The following CFAP54 variants were observed in gnomAD, a reference collection of about 807,000 sequenced individuals.
CFAP54 encodes cilia and flagella associated protein 54.
In CFAP54, 290 loss-of-function variants were observed where a neutral mutation model predicts 370.4. The ratio of observed to expected loss-of-function variants is 0.78; its 90% confidence interval spans 0.71 to 0.86. CFAP54 has a LOEUF of 0.86. Ranked by LOEUF, CFAP54 falls within the 40% of genes least tolerant of loss-of-function variation. The pLI, the probability that CFAP54 is intolerant of heterozygous loss-of-function variation, is 0.00. For missense variants in CFAP54, 3,399 were observed against 3,528.7 expected, an observed-to-expected ratio of 0.96 and a Z score of 0.93; for synonymous variants, 1,206 against 1,236.5, an observed-to-expected ratio of 0.98 and a Z score of 0.52.
chr12:96,829,248 G>T (rs1468305601), intron 66 of CFAP54, among the ~76,000 whole-genome samples, 160 bp downstream of exon 66: 1 of 151,834 alleles, frequency 6.6e-6, no homozygotes, highest in Non-Finnish European at 1.5e-5. Flanking sequence ...ACATTATTTT[G>T]GTTAAAAAAA....
Position 96,699,985 on chromosome 12 carries a change from A to G in CFAP54, c.6366A>G (p.Ile2122Met), listed in dbSNP as rs763230754. The change falls in exon 46 of 68, where the codon ATA becomes ATG. Residue 2122 changes from isoleucine (I) to methionine (M), a missense_variant. This residue lies in a region of CFAP54 where 2,796 missense variants were observed against 2,869.7 expected (regional missense o/e 0.97). Transcript: ENST00000524981. ...TTCCTTTACAGATAGAAGTCCTTAT[A>G]GATTTGAGATTCTTTTCTGAAGCCT... Reference protein sequence around the residue: ...EARILKIEVLIDLRFFSEAFY... With the variant: ...EARILKIEVLMDLRFFSEAFY... The G allele has an allele frequency of 1.3e-6, 2 of 1,577,044 alleles. No individual in the cohort carries two copies. Among genetic ancestry groups the G allele is most frequent in the Non-Finnish European group, 8.7e-7 (1 of 1,153,118 alleles).
intron 48 of CFAP54, among the ~76,000 whole-genome samples, chr12:96,714,080 T>C (rs1396021115): frequency 1.3e-5 from 2 of 152,208 alleles, no homozygotes; most frequent in African/African-American, 4.8e-5. Flanking sequence ...GGTTAGGCTA[T>C]GGGGTTAGGG....
chr12:96,621,890 T>TTTTTTG, intron 27 of CFAP54, among the ~76,000 whole-genome samples, 169 bp downstream of exon 27: 1 of 133,144 alleles, frequency 7.5e-6, no homozygotes, highest in East Asian at 2.2e-4. Flanking sequence ...TTTTTTTTTT[T>TTTTTTG]TTTTTTTTTT....
chr12:96,802,791 A>C (rs1447954845), intron 63 of CFAP54, among the ~76,000 whole-genome samples: 1 of 151,994 alleles, frequency 6.6e-6, no homozygotes, highest in African/African-American at 2.4e-5. Flanking sequence ...TAAGACCCAC[A>C]TGCATTAGGT....
chr12:96,872,660 T>A lies in CFAP54; in HGVS notation c.*15-2458T>A, dbSNP rs1201079521. ...TTTTATTTTTTAACATCTAGTACAG[T>A]AATTCCCTTTAAGGACAGAGGTGCC... On this transcript the variant is annotated intron_variant, in intron 67 of 67. Coordinates refer to ENST00000524981, the MANE Select transcript of CFAP54 (RefSeq NM_001306084.2). Among the ~76,000 whole-genome samples, 3 of 152,246 alleles carry A rather than the reference T, an allele frequency of 2.0e-5. 1 individual carries two copies. Among genetic ancestry groups the A allele is most frequent in the Admixed American group, 2.0e-4 (3 of 15,290 alleles).
In CFAP54 at chr12:96,743,586, A is replaced by G. The variant is rs1043863810; in HGVS notation, c.7377+27A>G. On this transcript the variant is annotated intron_variant, in intron 53 of 67. Transcript: ENST00000524981. The stretch of plus-strand genomic sequence containing the variant: ...TAGAAAGGAAACTTTGTTCGTATTT[A>G]TAGTCAGGGAGGGATTCCAGTTAGA... 8.1e-6 allele frequency: 13 copies of G among 1,613,388 alleles called. No homozygotes were observed. The African/African-American group carries it at 1.5e-4, about 18-fold the overall frequency.
intron 39 of CFAP54, among the ~76,000 whole-genome samples, chr12:96,671,949 A>G (rs1565937198): frequency 6.6e-6 from 1 of 151,660 alleles, no homozygotes; most frequent in African/African-American, 2.4e-5. Context: ...AGAGAGAGAG[A>G]AGGAAAGAGA....
chr12:96,565,678 G>A (rs1245646370), intron 19 of CFAP54, among the ~76,000 whole-genome samples: 1 of 152,170 alleles, frequency 6.6e-6, no homozygotes, highest in Non-Finnish European at 1.5e-5. Flanking sequence ...GATTTTGAAA[G>A]CACAGATAAA....
chr12:96,554,887 T>A, intron 17 of CFAP54, 85 bp downstream of exon 17: 1 of 1,265,704 alleles, frequency 7.9e-7, no homozygotes, highest in East Asian at 2.9e-5. Context: ...GAAAACTGTG[T>A]TCTTGTTGAC....
intron 55 of CFAP54, among the ~76,000 whole-genome samples, chr12:96,750,947 G>T (rs1958175862): frequency 1.3e-5 from 2 of 152,140 alleles, no homozygotes; most frequent in Admixed American, 1.3e-4. Flanking sequence ...CATAAAATCA[G>T]CTGTGACTTG....
chr12:96,859,138 A>C (rs9888322), intron 66 of CFAP54, among the ~76,000 whole-genome samples: 14,251 of 152,012 alleles, frequency 0.094, 1,915 homozygotes, highest in African/African-American at 0.3. Flanking sequence ...CAGAGGTGAC[A>C]AAAAAAAGCA....
chr12:96,733,548 T>G (rs1358882479), intron 50 of CFAP54, among the ~76,000 whole-genome samples: 1 of 151,504 alleles, frequency 6.6e-6, no homozygotes, highest in Non-Finnish European at 1.5e-5. Flanking sequence ...GTGGGTTTTT[T>G]TTTTTTTTTT....
In CFAP54 at chr12:96,648,580, CTTTTTTTTTTTT is replaced by C. The variant is rs11303164; in HGVS notation, c.4690+579_4690+590del. On this transcript the variant is annotated intron_variant, in intron 34 of 67. Transcript: ENST00000524981. ...TAGAGACATGCAGGTAAACAGGGTT[CTTTTTTTTTTTT>C]TTTTTTTTTTTTTTTGGAGACGGAG... is the stretch of plus-strand genomic sequence containing the variant. Among the ~76,000 whole-genome samples the C allele has an allele frequency of 3.1e-3, 184 of 58,690 alleles. 1 individual carries two copies. Among genetic ancestry groups the C allele is most frequent in the African/African-American group, 0.011 (163 of 14,636 alleles). The allele number at this position is 58,690 out of a possible 152,430, so 38.5% of individuals were successfully genotyped here. A position where few individuals can be genotyped will look rare whatever the true frequency, so the allele number is the denominator to read the frequency against.
At chr12:96,493,920 T>G (rs1954917488) in intron 1 of CFAP54, among the ~76,000 whole-genome samples, 1 of 152,026 alleles carries the variant, frequency 6.6e-6, no homozygotes, top group Non-Finnish European at 1.5e-5. Context: ...GAGTGGAAGA[T>G]AGGAAGTTGC....
At chr12:96,611,404 G>T in intron 26 of CFAP54, among the ~76,000 whole-genome samples, 1 of 152,184 alleles carries the variant, frequency 6.6e-6, no homozygotes, top group East Asian at 1.9e-4. Context: ...CATCATCAAA[G>T]ACCAAAGTTA....
intron 32 of CFAP54, among the ~76,000 whole-genome samples, chr12:96,639,459 T>C (rs1473241170): frequency 6.6e-6 from 1 of 152,056 alleles, no homozygotes; most frequent in East Asian, 1.9e-4. Context: ...CCAAAAAAAG[T>C]CCAGGACCAG....
intron 32 of CFAP54, among the ~76,000 whole-genome samples, chr12:96,631,123 A>AT (rs1208132500): frequency 6.6e-6 from 1 of 151,782 alleles, no homozygotes; most frequent in East Asian, 1.9e-4. Context: ...AGTGATTTTG[A>AT]TTTTAATTTA....
At chr12:96,806,432 T>C (rs1958883663) in intron 63 of CFAP54, among the ~76,000 whole-genome samples, 1 of 151,220 alleles carries the variant, frequency 6.6e-6, no homozygotes, top group South Asian at 2.1e-4. Context: ...TGGAGGTATG[T>C]TTATTTAGTG....
intron 23 of CFAP54, among the ~76,000 whole-genome samples, chr12:96,590,623 G>A (rs571395532): frequency 1.3e-5 from 2 of 152,300 alleles, no homozygotes; most frequent in South Asian, 2.1e-4. Flanking sequence ...GTGCTATGGG[G>A]GTATGGGTTT....
Sources: allele counts gnomAD v4.1 joint callset (sites outside exome capture counted in the v4.1 genomes callset), GRCh38; gene constraint gnomAD v4.1.1; regional missense constraint gnomAD v4.1.1; transcripts MANE v1.5; gene names NCBI Gene and HGNC (gene_info 2026-07-23, HGNC 2026-07-21).